CDK6: variants seen among roughly 807,000 people sequenced by gnomAD.
CDK6 encodes the protein cyclin dependent kinase 6.
Under a neutral mutation model 37.1 loss-of-function variants are expected in CDK6, and 6 were observed. The ratio of observed to expected loss-of-function variants is 0.16; its 90% CI spans 0.09 to 0.32. CDK6 has a LOEUF of 0.32. Among genes scored for constraint, CDK6 ranks in the 10% least tolerant of loss-of-function variants. CDK6 has a pLI of 1.00. For synonymous variants in CDK6, 160 were observed against 161.3 expected (o/e 0.99, Z 0.06); for missense variants, 224 against 418.9 (o/e 0.53, Z 4.06).
chr7:92,653,752 AT>A (rs1193219721), intron 5 of CDK6, among the ~76,000 whole-genome samples: 16 of 152,016 alleles, frequency 1.1e-4, no homozygotes, highest in Non-Finnish European at 1.5e-5. Context: ...TTATTACTGC[AT>A]TTTAAGACCA....
At chr7:92,787,968 G>A (rs1800188126) in intron 2 of CDK6, among the ~76,000 whole-genome samples, 1 of 151,914 alleles carries the variant, frequency 6.6e-6, no homozygotes, top group African/African-American at 2.4e-5. Flanking sequence ...AAATTTCTGG[G>A]AATTATTGTG....
intron 3 of CDK6, among the ~76,000 whole-genome samples, chr7:92,773,964 A>T (rs1799781224): frequency 6.6e-6 from 1 of 152,222 alleles, no homozygotes; most frequent in East Asian, 1.9e-4. Flanking sequence ...AGACCCGCAC[A>T]TGATGTGTAT....
chr7:92,771,260 T>A, intron 3 of CDK6, among the ~76,000 whole-genome samples: 1 of 126,598 alleles, frequency 7.9e-6, no homozygotes, highest in Non-Finnish European at 1.7e-5. Flanking sequence ...TAAATAAAAA[T>A]AAAGTATCTT....
intron 4 of CDK6, among the ~76,000 whole-genome samples, chr7:92,672,643 A>G (rs1797117733): frequency 6.6e-6 from 1 of 152,090 alleles, no homozygotes; most frequent in Admixed American, 6.6e-5. Context: ...AGGGGCAGAT[A>G]GTCTATGGAT....
At chr7:92,662,309 G>A (rs1216070387) in intron 5 of CDK6, among the ~76,000 whole-genome samples, 2 of 152,152 alleles carry the variant, frequency 1.3e-5, no homozygotes, top group African/African-American at 4.8e-5. Context: ...GCTGAATGTT[G>A]GGTTGGGGGT....
intron 2 of CDK6, among the ~76,000 whole-genome samples, chr7:92,810,569 G>A (rs1317505279): frequency 6.6e-6 from 1 of 152,154 alleles, no homozygotes; most frequent in Non-Finnish European, 1.5e-5. Context: ...ATGACGAAAA[G>A]AAGTGATGAA....
Position 92,607,648 on chromosome 7 carries a change from T to C in CDK6, c.*7492A>G, listed in dbSNP as rs1795458308. 8.6e-6 allele frequency: 2 copies of C among 232,924 alleles called. No individual in the cohort carries two copies. The highest frequency in any genetic ancestry group is 1.7e-5 in the Non-Finnish European group (2 of 117,882). The allele number at this position is 232,924 out of a possible 1,614,324, so 14.4% of individuals were successfully genotyped here. Reference sequence around the variant, plus strand: ...GCCTTCAGTTGTACTTTCACAGGACTAGTGTGATTCAGAAATAAATAACAT... The same window carrying C: ...GCCTTCAGTTGTACTTTCACAGGACCAGTGTGATTCAGAAATAAATAACAT... On this transcript the variant is annotated 3_prime_UTR_variant, in exon 8 of 8. Transcript: ENST00000424848.
rs553676384 is a variant in CDK6 at position 92,632,956 on chromosome 7, T to C, written c.648-9870A>G. Among the ~76,000 whole-genome samples the C allele has an allele frequency of 7.1e-3, 886 of 125,582 alleles. 1 individual carries two copies. The highest frequency in any genetic ancestry group is 0.019 in the South Asian group (79 of 4,236). 82.4% of individuals were successfully genotyped at this position (125,582 alleles called of 152,430 possible). A position where few individuals can be genotyped will look rare whatever the true frequency, so the allele number is the denominator to read the frequency against. On this transcript the variant is annotated intron_variant, in intron 5 of 7. Transcript: ENST00000424848. Reference sequence around the variant, plus strand: ...ATCTTTTTTTTTTTTTTTTTTTTTTTCCAAACAAGCTAAGATGGCACCAAT... The same window carrying C: ...ATCTTTTTTTTTTTTTTTTTTTTTTCCCAAACAAGCTAAGATGGCACCAAT...
chr7:92,718,640 G>A (rs1257317824), intron 4 of CDK6, among the ~76,000 whole-genome samples: 1 of 152,134 alleles, frequency 6.6e-6, no homozygotes, highest in African/African-American at 2.4e-5. Flanking sequence ...CACATTCACA[G>A]GGCCCACATC....
Position 92,833,832 on chromosome 7 carries a change from C to A in CDK6, c.-367-142G>T. Reference sequence around the variant, plus strand: ...CGCGCGCTCCTGCCCTCTCCCAAGCCGCTTAATCCTTCCTGGTTCCTCCGA... The same window carrying A: ...CGCGCGCTCCTGCCCTCTCCCAAGCAGCTTAATCCTTCCTGGTTCCTCCGA... On this transcript the variant is annotated intron_variant, in intron 1 of 7. Transcript: ENST00000424848. The surrounding 1 kb of genome is among the most constrained non-coding windows in gnomAD (Gnocchi z 6.1). 2.5e-6 allele frequency: 1 copy of A among 399,758 alleles called. No individual in the cohort carries two copies. Among genetic ancestry groups the A allele is most frequent in the Non-Finnish European group, 4.4e-6 (1 of 226,960 alleles). The allele number at this position is 399,758 out of a possible 1,614,324, so 24.8% of individuals were successfully genotyped here.
chr7:92,648,095 G>C (rs979799275), intron 5 of CDK6, among the ~76,000 whole-genome samples: 3 of 152,156 alleles, frequency 2.0e-5, no homozygotes, highest in Admixed American at 6.5e-5. Flanking sequence ...GTGTGTGTGT[G>C]TGGGTATGTG....
chr7:92,792,898 C>T (rs1800318432), intron 2 of CDK6, among the ~76,000 whole-genome samples: 1 of 150,954 alleles, frequency 6.6e-6, no homozygotes, highest in Non-Finnish European at 1.5e-5. Context: ...ATCTTGGAGG[C>T]AAAACATAAA....
chr7:92,658,232 C>G (rs1180359545), intron 5 of CDK6, among the ~76,000 whole-genome samples: 1 of 152,160 alleles, frequency 6.6e-6, no homozygotes, highest in Non-Finnish European at 1.5e-5. Context: ...TGTCATTTGA[C>G]CCTGTAATTT....
chr7:92,778,213 G>C (rs1199729336), intron 2 of CDK6, among the ~76,000 whole-genome samples: 1 of 152,100 alleles, frequency 6.6e-6, no homozygotes, highest in East Asian at 1.9e-4. Flanking sequence ...TTCATAGCCA[G>C]ATCCAAGCTT....
chr7:92,712,430 T>C (rs903281075), intron 4 of CDK6, among the ~76,000 whole-genome samples: 4 of 152,182 alleles, frequency 2.6e-5, no homozygotes, highest in African/African-American at 9.7e-5. Flanking sequence ...ACTTGAGAAC[T>C]ACAATCGACT....
intron 4 of CDK6, among the ~76,000 whole-genome samples, chr7:92,694,485 C>T (rs1298230588): frequency 6.6e-6 from 1 of 152,130 alleles, no homozygotes; most frequent in Non-Finnish European, 1.5e-5. Flanking sequence ...ACTGAAAGAA[C>T]ATTAATAATT....
At chr7:92,812,062 T>C (rs538341173) in intron 2 of CDK6, among the ~76,000 whole-genome samples, 2 of 152,170 alleles carry the variant, frequency 1.3e-5, no homozygotes, top group Admixed American at 1.3e-4. Flanking sequence ...TCGCTTGAAC[T>C]TGGGAGGTGG....
rs746344876 is a variant in CDK6, at chr7:92,681,882, C to CTGT, written c.538-10348_538-10347insACA. Among the ~76,000 whole-genome samples the CTGT allele has an allele frequency of 1.6e-4, 24 of 152,284 alleles. 1 individual carries two copies. Among genetic ancestry groups the CTGT allele is most frequent in the Admixed American group, 1.1e-3 (17 of 15,296 alleles). ...TATTCAGAACTCTGCAGTCTCTGACCCACAAATCCAACTGTCTCCCGGACA... is the reference window on the plus strand; with the variant it reads ...TATTCAGAACTCTGCAGTCTCTGACCTGTCACAAATCCAACTGTCTCCCGGACA... On this transcript the variant is annotated intron_variant, in intron 4 of 7. Transcript: ENST00000424848.
At chr7:92,740,260 G>A (rs1024616815) in intron 3 of CDK6, among the ~76,000 whole-genome samples, 1 of 152,092 alleles carries the variant, frequency 6.6e-6, no homozygotes, top group African/African-American at 2.4e-5. Context: ...CTGTTCTGTT[G>A]CAATGCTATT....
Sources: gnomAD v4.1 joint callset for allele counts (sites outside exome capture counted in the v4.1 genomes callset) on GRCh38, gnomAD v4.1.1 for gene constraint, Gnocchi (gnomAD v3.1) non-coding constraint, MANE v1.5 for transcripts, NCBI Gene and HGNC (gene_info 2026-07-23, HGNC 2026-07-21) for gene names.